EXOC1L: variants seen among roughly 807,000 people sequenced by gnomAD.
The protein encoded by EXOC1L is exocyst complex component 1 like, also known as exocyst complex component 1-like.
EXOC1L carries 10 observed loss-of-function variants against 4.9 expected under a neutral mutation model. The ratio of observed to expected loss-of-function variants is 2.02; its 90% CI spans 1.25 to 3.43. The LOEUF (loss-of-function observed/expected upper bound fraction) is 3.43. EXOC1L is among the 30% of genes most tolerant of loss of function. The probability of loss-of-function intolerance (pLI) is 0.00; values close to 1 mark genes in which losing one functional copy is unlikely to be tolerated. For synonymous variants in EXOC1L, 41 were observed against 20.8 expected, an observed-to-expected ratio of 1.97 and a Z score of -2.63; for missense variants, 114 against 59.4, an observed-to-expected ratio of 1.92 and a Z score of -3.02.
intron 1 of EXOC1L, among the ~76,000 whole-genome samples, chr4:55,822,092 T>A (rs1417678549): frequency 6.6e-6 from 1 of 152,184 alleles, no homozygotes; most frequent in Non-Finnish European, 1.5e-5. Flanking sequence ...TCCTCTTTAT[T>A]CCCTACAATC....
chr4:55,835,551 T>G (rs888421661), intron 2 of EXOC1L, among the ~76,000 whole-genome samples: 3 of 151,942 alleles, frequency 2.0e-5, no homozygotes, highest in African/African-American at 7.2e-5. Context: ...TGATCATTCT[T>G]GCAGGAGTAA....
At chr4:55,828,421 T>A (rs748258772) in intron 1 of EXOC1L, among the ~76,000 whole-genome samples, 6 of 152,190 alleles carry the variant, frequency 3.9e-5, no homozygotes, top group Admixed American at 6.5e-5. Context: ...ATCCTCTTGA[T>A]TCCCATAGCA....
Position 55,820,137 on chromosome 4 carries a change from C to G in EXOC1L, c.111C>G (p.Leu37=), listed in dbSNP as rs1463469185. The part of the protein sequence containing the change: ...IEFSVQDRYY[L]CVSVTKKEEV... ...TCTCCGTCCAGGACAGGTATTACCT[C>G]TGTGTGTCAGGTAATCTGTTCCTTC... Residue 37 remains leucine (L), a synonymous_variant, in exon 1 of 3, where the codon CTC becomes CTG. Coordinates refer to ENST00000636125, the MANE Select transcript of EXOC1L (RefSeq NM_001351574.3). The G allele has an allele frequency of 2.5e-6, 1 of 398,902 alleles. No individual in the cohort carries two copies. The highest frequency in any genetic ancestry group is 4.4e-6 in the Non-Finnish European group (1 of 226,038). 24.7% of individuals were successfully genotyped at this position (398,902 alleles called of 1,614,324 possible). A position where few individuals can be genotyped will look rare whatever the true frequency, so the allele number is the denominator to read the frequency against.
intron 1 of EXOC1L, among the ~76,000 whole-genome samples, chr4:55,827,014 A>G (rs1326854359): frequency 1.3e-5 from 2 of 152,176 alleles, no homozygotes; most frequent in East Asian, 1.9e-4. Context: ...TTTATGGAAG[A>G]TCACAAAATA....
chr4:55,820,520 CAT>C (rs1423247756), intron 1 of EXOC1L, among the ~76,000 whole-genome samples: 1 of 152,144 alleles, frequency 6.6e-6, no homozygotes, highest in Non-Finnish European at 1.5e-5. Flanking sequence ...CTTTTAAATA[CAT>C]TGGAGAATTG....
chr4:55,833,782 C>T (rs1577668095), intron 2 of EXOC1L, among the ~76,000 whole-genome samples: 2 of 151,852 alleles, frequency 1.3e-5, no homozygotes, highest in African/African-American at 2.4e-5. Context: ...CCTTTAATTC[C>T]ATCCCAACAT....
In EXOC1L at chr4:55,828,643, C is replaced by CT. The variant is rs1465730748; in HGVS notation, c.122-2690dup. Among the ~76,000 whole-genome samples the CT allele has an allele frequency of 2.0e-5, 3 of 152,054 alleles. No individual in the cohort carries two copies. The East Asian group carries it at 5.8e-4, about 29-fold the overall frequency. On this transcript the variant is annotated intron_variant, in intron 1 of 2. Coordinates refer to ENST00000636125, the MANE Select transcript of EXOC1L (RefSeq NM_001351574.3). ...GGCCAGGAGTTTGAGACCACTATCACTATCACTGGGTAATACAGTGAGACC... is the reference window on the plus strand; with the variant it reads ...GGCCAGGAGTTTGAGACCACTATCACTTATCACTGGGTAATACAGTGAGACC...
chr4:55,820,923 T>C (rs1032581303), intron 1 of EXOC1L, among the ~76,000 whole-genome samples: 1 of 152,226 alleles, frequency 6.6e-6, no homozygotes, highest in Non-Finnish European at 1.5e-5. Flanking sequence ...CATGCCATTA[T>C]TGAACAGAAT....
intron 1 of EXOC1L, among the ~76,000 whole-genome samples, chr4:55,831,117 A>G (rs1436832175): frequency 1.3e-5 from 2 of 152,172 alleles, no homozygotes; most frequent in Non-Finnish European, 2.9e-5. Context: ...GCAGTATGTA[A>G]GCACAACTGT....
chr4:55,827,707 C>T (rs926730875), intron 1 of EXOC1L, among the ~76,000 whole-genome samples: 2 of 152,184 alleles, frequency 1.3e-5, no homozygotes, highest in East Asian at 1.9e-4. Flanking sequence ...TCTCCCACCC[C>T]CTAAGCACCA....
chr4:55,824,275 A>T (rs113671442), intron 1 of EXOC1L, among the ~76,000 whole-genome samples: 3,464 of 132,610 alleles, frequency 0.026, 113 homozygotes, highest in African/African-American at 0.081. Flanking sequence ...TCTCTCTCTC[A>T]CACACACACA....
At chr4:55,827,318 A>G (rs1386467137) in intron 1 of EXOC1L, among the ~76,000 whole-genome samples, 1 of 152,142 alleles carries the variant, frequency 6.6e-6, no homozygotes, top group African/African-American at 2.4e-5. Flanking sequence ...CATTCTGCTA[A>G]CTTCTACTGC....
At chr4:55,831,917 A>C (rs1720043138) in intron 2 of EXOC1L, among the ~76,000 whole-genome samples, 1 of 152,158 alleles carries the variant, frequency 6.6e-6, no homozygotes, top group South Asian at 2.1e-4. Flanking sequence ...GAGAAAGAGT[A>C]AATACTACAA....
intron 2 of EXOC1L, among the ~76,000 whole-genome samples, chr4:55,836,061 C>T (rs1427614075): frequency 6.6e-6 from 1 of 151,846 alleles, no homozygotes; most frequent in Non-Finnish European, 1.5e-5. Context: ...TAAAATTCAT[C>T]CTCTATTTCC....
intron 1 of EXOC1L, among the ~76,000 whole-genome samples, chr4:55,821,732 T>C (rs113402523): frequency 0.014 from 2,190 of 152,234 alleles, 51 homozygotes; most frequent in African/African-American, 0.049. Flanking sequence ...AAAAACAAGA[T>C]CTCAGAGATG....
rs746270694 is a variant in EXOC1L, at chr4:55,831,467, A to G, written c.252+3A>G. 21 of 681,942 alleles carry G rather than the reference A, an allele frequency of 3.1e-5. No individual in the cohort carries two copies. The Middle Eastern group carries it at 9.4e-4, about 30-fold the overall frequency. 42.2% of individuals were successfully genotyped at this position (681,942 alleles called of 1,614,324 possible). On this transcript the variant is annotated splice_donor_region_variant and intron_variant, in intron 2 of 2. Coordinates refer to ENST00000636125, the MANE Select transcript of EXOC1L (RefSeq NM_001351574.3). ...TTGATGGAAAAGAAGCAGATACTGT[A>G]AGTGTTACATTTTATAAGGAGATGT...
At chr4:55,830,863 A>G (rs1482295468) in intron 1 of EXOC1L, among the ~76,000 whole-genome samples, 1 of 152,168 alleles carries the variant, frequency 6.6e-6, no homozygotes, top group Middle Eastern at 3.2e-3. Flanking sequence ...TTACTGCGGT[A>G]TTTGCTTGGT....
At chr4:55,830,529 T>C (rs1359833207) in intron 1 of EXOC1L, among the ~76,000 whole-genome samples, 1 of 152,184 alleles carries the variant, frequency 6.6e-6, no homozygotes, top group African/African-American at 2.4e-5. Context: ...TTTATTATAA[T>C]AACTCATTGA....
At chr4:55,823,983 T>G (rs192446258) in intron 1 of EXOC1L, among the ~76,000 whole-genome samples, 2 of 152,226 alleles carry the variant, frequency 1.3e-5, no homozygotes, top group Admixed American at 1.3e-4. Flanking sequence ...TGTTTATTAT[T>G]CTCTACGTTA....
Sources: gnomAD v4.1 joint callset for allele counts (sites outside exome capture counted in the v4.1 genomes callset) on GRCh38, gnomAD v4.1.1 for gene constraint, MANE v1.5 for transcripts, NCBI Gene and HGNC (gene_info 2026-07-23, HGNC 2026-07-21) for gene names.